The following SIL1 variants were observed in gnomAD, a reference collection of about 807,000 sequenced individuals.
The protein encoded by SIL1 is SIL1 nucleotide exchange factor.
Under a neutral mutation model 49.1 loss-of-function variants are expected in SIL1, and 40 were observed. That is an observed-to-expected ratio of 0.81 (90% CI 0.63 to 1.06). The LOEUF (loss-of-function observed/expected upper bound fraction) is 1.06. Ranked by LOEUF, SIL1 falls within the 50% of genes least tolerant of loss-of-function variation. The pLI, the probability that SIL1 is intolerant of heterozygous loss-of-function variation, is 0.00. For missense variants in SIL1, 500 were observed against 572.6 expected (o/e 0.87, Z 1.29); for synonymous variants, 253 against 250.8 (o/e 1.01, Z -0.08).
intron 1 of SIL1, among the ~76,000 whole-genome samples, chr5:139,195,866 G>T (rs1483297765): frequency 2.0e-5 from 3 of 152,182 alleles, no homozygotes; most frequent in African/African-American, 7.2e-5. Flanking sequence ...AGGTGACAAG[G>T]TTGCTTACCC....
At chr5:139,046,366 A>G (rs942923168) in intron 4 of SIL1, among the ~76,000 whole-genome samples, 1 of 152,140 alleles carries the variant, frequency 6.6e-6, no homozygotes, top group African/African-American at 2.4e-5. Flanking sequence ...TTCCATTACA[A>G]TTAAAGGTGA....
Position 139,121,158 on chromosome 5 carries a change from TC to T in SIL1, c.120del (p.Thr41ProfsTer53). On this transcript the variant is annotated frameshift_variant, in exon 3 of 10. Transcript: ENST00000394817. LOFTEE classifies it high-confidence loss of function. ...LSHQNLKEFA[L>X]TNPEKSSTKE... ...TTGGTGCTGCTCTTCTCTGGGTTGG[TC>T]AGGGCAAACTCCTTCTGAGAAAAGA... 2 of 1,614,094 alleles carry T rather than the reference TC, an allele frequency of 1.2e-6. No homozygotes were observed. Among genetic ancestry groups the T allele is most frequent in the Non-Finnish European group, 1.7e-6 (2 of 1,179,992 alleles).
intron 3 of SIL1, among the ~76,000 whole-genome samples, chr5:139,060,312 T>C (rs1361810932): frequency 6.0e-5 from 2 of 33,068 alleles, no homozygotes; most frequent in Admixed American, 7.8e-4. Context: ...CCACCAGGAT[T>C]TGAGGTGTTT....
Position 138,947,551 on chromosome 5 carries a change from G to C in SIL1, c.1030-78C>G. On this transcript the variant is annotated intron_variant, in intron 9 of 9. Transcript: ENST00000394817. The surrounding 1 kb of genome is among the most constrained non-coding windows in gnomAD (Gnocchi z 4.1). ...CACAGGGAGCAGTTAGCTCACACCT[G>C]GCTAGCTCTGCCCTTCAGACAGGAA... The C allele has an allele frequency of 7.7e-7, 1 of 1,293,774 alleles. No individual in the cohort carries two copies. The highest frequency in any genetic ancestry group is 1.2e-5 in the South Asian group (1 of 84,384). The allele number at this position is 1,293,774 out of a possible 1,614,324, so 80.1% of individuals were successfully genotyped here.
intron 6 of SIL1, among the ~76,000 whole-genome samples, chr5:139,022,829 T>C (rs1323508826): frequency 6.6e-6 from 1 of 152,246 alleles, no homozygotes; most frequent in Non-Finnish European, 1.5e-5. Flanking sequence ...GGTGCTTTGC[T>C]GACATAAGCA....
chr5:139,173,313 A>G (rs1274275691), intron 1 of SIL1, among the ~76,000 whole-genome samples: 1 of 152,072 alleles, frequency 6.6e-6, no homozygotes, highest in Non-Finnish European at 1.5e-5. Context: ...CACTTTGGAG[A>G]CCAAGGCAGG....
intron 2 of SIL1, among the ~76,000 whole-genome samples, chr5:139,124,643 C>T (rs1391038716): frequency 6.6e-6 from 1 of 152,182 alleles, no homozygotes; most frequent in African/African-American, 2.4e-5. Context: ...GAACAAACCA[C>T]AGGCTGGACA....
intron 3 of SIL1, among the ~76,000 whole-genome samples, chr5:139,111,970 G>A (rs1242383187): frequency 4.6e-5 from 7 of 152,096 alleles, no homozygotes; most frequent in East Asian, 3.9e-4. Context: ...TCAGCCTGCC[G>A]AGCGCCTGCG....
intron 3 of SIL1, among the ~76,000 whole-genome samples, chr5:139,052,099 A>T (rs1305397352): frequency 6.6e-6 from 1 of 152,204 alleles, no homozygotes; most frequent in Non-Finnish European, 1.5e-5. Flanking sequence ...CTCCGAAGGA[A>T]GCACACAGCA....
chr5:138,953,695 C>T (rs544835985), intron 7 of SIL1, among the ~76,000 whole-genome samples: 56 of 54,762 alleles, frequency 1.0e-3, no homozygotes, highest in Non-Finnish European at 1.8e-3. Flanking sequence ...CTGCCCCCCA[C>T]GACTTGAGAC....
At chr5:139,152,763 C>T (rs1751330635) in intron 1 of SIL1, among the ~76,000 whole-genome samples, 1 of 152,120 alleles carries the variant, frequency 6.6e-6, no homozygotes. Flanking sequence ...AAATTCCATA[C>T]TCGCAACCTG....
rs542249496 is a variant in SIL1 at position 138,947,548 on chromosome 5, C to T, written c.1030-75G>A. ...ACACACAGGGAGCAGTTAGCTCACACCTGGCTAGCTCTGCCCTTCAGACAG... is the reference window on the plus strand; with the variant it reads ...ACACACAGGGAGCAGTTAGCTCACATCTGGCTAGCTCTGCCCTTCAGACAG... On this transcript the variant is annotated intron_variant, in intron 9 of 9. Coordinates refer to ENST00000394817, the MANE Select transcript of SIL1 (RefSeq NM_022464.5). The surrounding 1 kb of genome is among the most constrained non-coding windows in gnomAD (Gnocchi z 4.1). The T allele has an allele frequency of 1.5e-6, 2 of 1,340,034 alleles. No homozygotes were observed. The highest frequency in any genetic ancestry group is 1.2e-5 in the South Asian group (1 of 85,424). The allele number at this position is 1,340,034 out of a possible 1,614,324, so 83.0% of individuals were successfully genotyped here. A position where few individuals can be genotyped will look rare whatever the true frequency, so the allele number is the denominator to read the frequency against.
chr5:139,138,512 C>G (rs1229116418), intron 1 of SIL1, among the ~76,000 whole-genome samples: 1 of 152,190 alleles, frequency 6.6e-6, no homozygotes, highest in East Asian at 1.9e-4. Flanking sequence ...CAAGAAGCTC[C>G]ATTCCCTTCC....
intron 5 of SIL1, among the ~76,000 whole-genome samples, chr5:139,031,082 T>A (rs1304652380): frequency 6.6e-6 from 1 of 152,204 alleles, no homozygotes; most frequent in African/African-American, 2.4e-5. Context: ...CTTCTGATCA[T>A]CTTAACAGGG....
At position 138,947,171 on chromosome 5, in the gene SIL1, G is replaced by A; in HGVS notation, c.1332C>T (p.Gly444=). 1 of 1,613,616 alleles carries A rather than the reference G, an allele frequency of 6.2e-7. No individual in the cohort carries two copies. ...SLELQDGEDE[G]YFQELLGSVN... ...CAGAGCCCAGCAGCTCCTGGAAGTA[G>A]CCCTCGTCCTCACCATCCTGCAGCT... The change falls in exon 10 of 10, where the codon GGC becomes GGT. Residue 444 remains glycine (G), a synonymous_variant. Coordinates refer to ENST00000394817, the MANE Select transcript of SIL1 (RefSeq NM_022464.5). This position sits in a 1 kb window ranked among gnomAD's most constrained non-coding sequence, Gnocchi z 4.1.
intron 7 of SIL1, among the ~76,000 whole-genome samples, chr5:138,963,954 T>G (rs1302866465): frequency 6.6e-6 from 1 of 152,122 alleles, no homozygotes; most frequent in Non-Finnish European, 1.5e-5. Flanking sequence ...GTTCACCAGG[T>G]CTCACTGGAG....
chr5:139,103,404 CCAGT>C (rs1323276003), intron 3 of SIL1, among the ~76,000 whole-genome samples: 3 of 152,276 alleles, frequency 2.0e-5, no homozygotes, highest in Non-Finnish European at 4.4e-5. Flanking sequence ...AACCAGCGTG[CCAGT>C]CAGTCTGTGG....
intron 7 of SIL1, among the ~76,000 whole-genome samples, chr5:138,962,252 T>A (rs1369882029): frequency 5.9e-5 from 9 of 152,082 alleles, no homozygotes; most frequent in Admixed American, 5.2e-4. Context: ...TCAGAGTTGA[T>A]TGGTTGGTTA....
At chr5:139,145,629 CGTGTGTGTGTGTGTGTGTGTGT>C (rs57675583) in intron 1 of SIL1, among the ~76,000 whole-genome samples, 5,327 of 142,720 alleles carry the variant, frequency 0.037, 133 homozygotes, top group African/African-American at 0.045. Flanking sequence ...GGTGTGGGGG[CGTGTGTGTGTGTGTGTGTGTGT>C]GTGTGTGTGT....
Sources: allele counts gnomAD v4.1 joint callset (sites outside exome capture counted in the v4.1 genomes callset), GRCh38; gene constraint gnomAD v4.1.1; non-coding constraint Gnocchi (gnomAD v3.1); transcripts MANE v1.5; gene names NCBI Gene and HGNC (gene_info 2026-07-23, HGNC 2026-07-21).